The following ZNF362 variants were observed in gnomAD, a reference collection of about 807,000 sequenced individuals.
ZNF362 encodes zinc finger protein 362.
ZNF362 carries 11 observed loss-of-function variants against 42.9 expected under a neutral mutation model. The ratio of observed to expected loss-of-function variants is 0.26; its 90% CI spans 0.16 to 0.42. ZNF362 has a LOEUF of 0.42. ZNF362 is among the 20% of genes least tolerant of loss of function. ZNF362 has a pLI of 1.00. For synonymous variants in ZNF362, 255 were observed against 257.3 expected (o/e 0.99, Z 0.09); for missense variants, 362 against 576.2 (o/e 0.63, Z 3.81).
chr1:33,170,834 A>G, the ZNF362 span, among the ~76,000 whole-genome samples: 1 of 152,170 alleles, frequency 6.6e-6, no homozygotes, highest in Non-Finnish European at 1.5e-5. Flanking sequence ...TGTCTGAAAA[A>G]TGGGGATAAT....
At chr1:33,190,343 T>C in the ZNF362 span, among the ~76,000 whole-genome samples, 1 of 152,216 alleles carries the variant, frequency 6.6e-6, no homozygotes, top group African/African-American at 2.4e-5. Flanking sequence ...GGTAATTCCA[T>C]ACACTATGTG....
At chr1:33,257,408 CTCTTTCTTTCTT>C (rs372900265) in intron 1 of ZNF362, among the ~76,000 whole-genome samples, 19 of 149,310 alleles carry the variant, frequency 1.3e-4, no homozygotes, top group Non-Finnish European at 4.4e-5. Flanking sequence ...TGCTTTGCTT[CTCTTTCTTTCTT>C]TCTTTCTTTT....
chr1:33,147,840 GC>G, the ZNF362 span: 12 of 1,188,378 alleles, frequency 1.0e-5, no homozygotes, highest in Non-Finnish European at 1.4e-5. This position sits in a 1 kb window ranked among gnomAD's most constrained non-coding sequence, Gnocchi z 8.1. Flanking sequence ...CCTCTGACCT[GC>G]TGTGTGACCT....
intron 2 of ZNF362, among the ~76,000 whole-genome samples, chr1:33,274,005 G>A (rs10753278): frequency 0.69 from 105,242 of 152,100 alleles, 36,524 homozygotes; most frequent in East Asian, 0.76. Flanking sequence ...GCCCCCAGCC[G>A]TGGAGCCTCC....
the ZNF362 span, among the ~76,000 whole-genome samples, chr1:33,211,648 T>C: frequency 1.3e-5 from 2 of 152,140 alleles, no homozygotes; most frequent in Non-Finnish European, 2.9e-5. Context: ...CCGCCCTTTC[T>C]CTCTGGCTGC....
chr1:33,289,198 G>A (rs1267563872), intron 6 of ZNF362, among the ~76,000 whole-genome samples: 2 of 152,188 alleles, frequency 1.3e-5, no homozygotes, highest in East Asian at 3.9e-4. Flanking sequence ...CATGAGCAAA[G>A]GCTCGAGGCC....
At chr1:33,254,481 C>T (rs957825065), upstream of ZNF362, among the ~76,000 whole-genome samples, 2 of 152,104 alleles carry the variant, frequency 1.3e-5, no homozygotes, top group Admixed American at 6.5e-5. Flanking sequence ...TTTGGATGAC[C>T]TTGATAGTTT....
At chr1:33,182,358 A>T in the ZNF362 span, among the ~76,000 whole-genome samples, 1 of 152,258 alleles carries the variant, frequency 6.6e-6, no homozygotes, top group Admixed American at 6.5e-5. Flanking sequence ...AAAAAATCAT[A>T]TTTTGTATTA....
At chr1:33,159,722 T>A in the ZNF362 span, 12 of 1,611,162 alleles carry the variant, frequency 7.4e-6, no homozygotes, top group South Asian at 9.9e-5. This position sits in a 1 kb window ranked among gnomAD's most constrained non-coding sequence, Gnocchi z 4.2. Context: ...GCCAGGAAGG[T>A]GTGCCGGTCG....
chr1:33,280,735 C>T lies in ZNF362; in HGVS notation c.683+278C>T, dbSNP rs935756705. Among the ~76,000 whole-genome samples, 5 of 152,250 alleles carry T rather than the reference C, an allele frequency of 3.3e-5. No individual in the cohort carries two copies. The highest frequency in any genetic ancestry group is 4.8e-5 in the African/African-American group (2 of 41,538). ...CTGGGGTTGTGAGAGTCGGTTTCCT[C>T]CTCCCTTTAAGCAGTGTTCTCAACC... On this transcript the variant is annotated intron_variant, in intron 5 of 8. Transcript: ENST00000539719. The surrounding 1 kb of genome is among the most constrained non-coding windows in gnomAD (Gnocchi z 5.6).
the ZNF362 span, among the ~76,000 whole-genome samples, chr1:33,154,947 G>C: frequency 2.0e-5 from 3 of 151,184 alleles, no homozygotes; most frequent in African/African-American, 7.3e-5. Flanking sequence ...CAAAAAATTA[G>C]CCAGGCGTCT....
Position 33,294,214 on chromosome 1 carries a change from T to C in ZNF362, c.909-723T>C, listed in dbSNP as rs1379866686. On this transcript the variant is annotated intron_variant, in intron 6 of 8. Coordinates refer to ENST00000539719, the MANE Select transcript of ZNF362 (RefSeq NM_152493.3). The surrounding 1 kb of genome is among the most constrained non-coding windows in gnomAD (Gnocchi z 4.2). ...TAGGCTAAGCCCTTTACATGCATTA[T>C]CTGATGTTATCTTCACAAAGCCCGA... Among the ~76,000 whole-genome samples, 1 of 152,208 alleles carries C rather than the reference T, an allele frequency of 6.6e-6. No homozygotes were observed. Among genetic ancestry groups the C allele is most frequent in the Non-Finnish European group, 1.5e-5 (1 of 68,034 alleles).
the ZNF362 span, among the ~76,000 whole-genome samples, chr1:33,139,877 A>G: frequency 1.3e-5 from 2 of 152,140 alleles, no homozygotes; most frequent in African/African-American, 2.4e-5. Flanking sequence ...ATCTCTTTCT[A>G]TCCTCCCCAT....
the ZNF362 span, chr1:33,165,961 G>A: frequency 7.6e-4 from 121 of 158,196 alleles, no homozygotes; most frequent in Non-Finnish European, 1.5e-3. The surrounding 1 kb of genome is among the most constrained non-coding windows in gnomAD (Gnocchi z 4.0). Context: ...CGCACAGCAG[G>A]AGATGAACAG....
chr1:33,141,382 C>T, the ZNF362 span, among the ~76,000 whole-genome samples: 1 of 152,180 alleles, frequency 6.6e-6, no homozygotes, highest in Non-Finnish European at 1.5e-5. Context: ...GACTGGGAAC[C>T]AGGACACTTG....
At chr1:33,188,129 G>A in the ZNF362 span, among the ~76,000 whole-genome samples, 2 of 152,154 alleles carry the variant, frequency 1.3e-5, no homozygotes, top group African/African-American at 4.8e-5. Flanking sequence ...AGCTACTCGG[G>A]AGGCTGAGGC....
At chr1:33,192,695 G>A in the ZNF362 span, among the ~76,000 whole-genome samples, 1 of 152,264 alleles carries the variant, frequency 6.6e-6, no homozygotes, top group South Asian at 2.1e-4. Flanking sequence ...CATTGGTTAA[G>A]AGTGGTTGCT....
the ZNF362 span, among the ~76,000 whole-genome samples, chr1:33,242,449 A>G: frequency 6.6e-6 from 1 of 152,100 alleles, no homozygotes; most frequent in Admixed American, 6.5e-5. Context: ...CTCATTCCAC[A>G]CTCTCTGCAC....
chr1:33,227,879 G>A, the ZNF362 span, among the ~76,000 whole-genome samples: 1 of 151,486 alleles, frequency 6.6e-6, no homozygotes, highest in East Asian at 1.9e-4. Context: ...TTCCCACTCA[G>A]TTATTTACTG....
Sources: gnomAD v4.1 joint callset for allele counts (sites outside exome capture counted in the v4.1 genomes callset) on GRCh38, gnomAD v4.1.1 for gene constraint, Gnocchi (gnomAD v3.1) non-coding constraint, MANE v1.5 for transcripts, NCBI Gene and HGNC (gene_info 2026-07-23, HGNC 2026-07-21) for gene names.